Variants in KDM4C observed in about 807,000 individuals in gnomAD.
KDM4C encodes the protein lysine-specific demethylase 4C.
Under a neutral mutation model 129.3 loss-of-function variants are expected in KDM4C, and 81 were observed. That is an observed-to-expected ratio of 0.63 (90% CI 0.52 to 0.75). KDM4C has a LOEUF of 0.75. Ranked by LOEUF, KDM4C falls within the 30% of genes least tolerant of loss-of-function variation. The probability of loss-of-function intolerance (pLI) is 0.00; values close to 1 mark genes in which losing one functional copy is unlikely to be tolerated. For missense variants in KDM4C, 1,457 were observed against 1,304.0 expected (o/e 1.12, Z -1.81); for synonymous variants, 573 against 456.1 (o/e 1.26, Z -3.26).
chr9:6,847,462 G>A (rs1446981390), intron 4 of KDM4C, among the ~76,000 whole-genome samples: 1 of 151,802 alleles, frequency 6.6e-6, no homozygotes, highest in African/African-American at 2.4e-5. Flanking sequence ...GCAGTGGCAC[G>A]ATCTCGGCTC....
chr9:6,759,427 G>T (rs1818941917), intron 1 of KDM4C, among the ~76,000 whole-genome samples: 1 of 152,140 alleles, frequency 6.6e-6, no homozygotes, highest in African/African-American at 2.4e-5. Flanking sequence ...TCTGCTTTGC[G>T]ATTATCGCTT....
chr9:6,887,953 T>C lies in KDM4C; in HGVS notation c.680-7T>C, dbSNP rs781160327. ...CAGTGCCACTTACATTTATTGTTTC[T>C]TTTTAGGTTTTTTCCCAAGCAGCTC... On this transcript the variant is annotated splice_region_variant and splice_polypyrimidine_tract_variant and intron_variant, in intron 6 of 21. Coordinates refer to ENST00000381309, the MANE Select transcript of KDM4C (RefSeq NM_015061.6). 1.9e-6 allele frequency: 3 copies of C among 1,565,932 alleles called. No homozygotes were observed. Among genetic ancestry groups the C allele is most frequent in the Admixed American group, 3.3e-5 (2 of 59,940 alleles).
chr9:7,087,807 A>T lies in KDM4C; in HGVS notation c.2425-15878A>T, dbSNP rs564500200. ...ACATGTTTTATTTCTAAATGTCAAT[A>T]TTTAATCCACAAGAAGTATAGCTTC... On this transcript the variant is annotated intron_variant, in intron 17 of 21. Transcript: ENST00000381309. 2.0e-5 allele frequency among the ~76,000 whole-genome samples: 3 copies of T among 152,360 alleles called. No homozygotes were observed. In the South Asian group the frequency reaches 6.2e-4, roughly 32 times the overall value.
At chr9:6,800,702 C>T (rs1263282356) in intron 2 of KDM4C, among the ~76,000 whole-genome samples, 4 of 152,158 alleles carry the variant, frequency 2.6e-5, no homozygotes, top group South Asian at 4.1e-4. Flanking sequence ...TCTTGGCTCA[C>T]TGCAGCCTTG....
At chr9:6,763,759 C>T (rs942439665) in intron 1 of KDM4C, among the ~76,000 whole-genome samples, 1 of 152,058 alleles carries the variant, frequency 6.6e-6, no homozygotes, top group Admixed American at 6.6e-5. Context: ...TTGGAGAATG[C>T]ACTTTTTCTT....
At chr9:7,113,163 G>T (rs1838520353) in intron 18 of KDM4C, among the ~76,000 whole-genome samples, 3 of 152,106 alleles carry the variant, frequency 2.0e-5, no homozygotes, top group African/African-American at 7.2e-5. Flanking sequence ...ATACTATAGC[G>T]ATTCAAACCT....
At chr9:6,859,044 CAT>C (rs1264106986) in intron 5 of KDM4C, among the ~76,000 whole-genome samples, 2 of 152,130 alleles carry the variant, frequency 1.3e-5, no homozygotes, top group Non-Finnish European at 2.9e-5. Context: ...TGTTACTGCA[CAT>C]GTGTTCATTT....
chr9:7,016,964 C>G (rs1430004110), intron 15 of KDM4C, among the ~76,000 whole-genome samples: 2 of 152,152 alleles, frequency 1.3e-5, no homozygotes, highest in African/African-American at 4.8e-5. Context: ...GAGACAGGGT[C>G]TCACTCTGTC....
At chr9:7,161,381 T>C (rs1238972182) in intron 19 of KDM4C, among the ~76,000 whole-genome samples, 3 of 152,186 alleles carry the variant, frequency 2.0e-5, no homozygotes, top group African/African-American at 7.2e-5. Context: ...GTATCTCAGT[T>C]GGAAATGCAG....
At chr9:6,904,652 A>G (rs1039814626) in intron 8 of KDM4C, among the ~76,000 whole-genome samples, 2 of 152,334 alleles carry the variant, frequency 1.3e-5, no homozygotes, top group East Asian at 3.9e-4. Context: ...TTAATACTGG[A>G]AGAGATTTAT....
upstream of KDM4C, among the ~76,000 whole-genome samples, chr9:6,754,444 C>T (rs1162605064): frequency 6.6e-6 from 1 of 152,072 alleles, no homozygotes; most frequent in African/African-American, 2.4e-5. Flanking sequence ...AACTCCTGAC[C>T]TTAGGTGATA....
chr9:6,869,817 C>T (rs1023408027), intron 5 of KDM4C, among the ~76,000 whole-genome samples: 3 of 152,254 alleles, frequency 2.0e-5, no homozygotes, highest in Admixed American at 1.3e-4. Flanking sequence ...TCCCCTATAG[C>T]CATGCTTTCT....
intron 8 of KDM4C, among the ~76,000 whole-genome samples, chr9:6,901,432 T>A (rs995971520): frequency 6.6e-6 from 1 of 152,152 alleles, no homozygotes; most frequent in African/African-American, 2.4e-5. Context: ...AGCAACCTCA[T>A]GAGGTCTCAT....
At chr9:6,832,068 G>A (rs543895395) in intron 4 of KDM4C, among the ~76,000 whole-genome samples, 160 of 152,196 alleles carry the variant, frequency 1.1e-3, no homozygotes, top group African/African-American at 3.6e-3. Context: ...GGCTGGGTGC[G>A]GTGGTCATGC....
chr9:7,138,740 G>A (rs1015970107), intron 19 of KDM4C, among the ~76,000 whole-genome samples: 7 of 152,038 alleles, frequency 4.6e-5, no homozygotes, highest in African/African-American at 1.2e-4. Context: ...GAACCCTTAA[G>A]CCCAGGAAGT....
chr9:6,864,596 A>G (rs1019604444), intron 5 of KDM4C, among the ~76,000 whole-genome samples: 1 of 151,346 alleles, frequency 6.6e-6, no homozygotes, highest in Non-Finnish European at 1.5e-5. Flanking sequence ...TCAGCCCTCC[A>G]TAGCTGGGAT....
intron 2 of KDM4C, among the ~76,000 whole-genome samples, chr9:6,801,439 G>A (rs971801501): frequency 6.6e-5 from 10 of 151,088 alleles, no homozygotes; most frequent in Non-Finnish European, 1.5e-4. Flanking sequence ...GGGTTTCACT[G>A]TGTTAGCCAG....
chr9:6,969,686 G>A (rs766692203), intron 8 of KDM4C, among the ~76,000 whole-genome samples: 2 of 152,120 alleles, frequency 1.3e-5, no homozygotes, highest in African/African-American at 2.4e-5. Context: ...GGTTTCAACC[G>A]TAGATGCATT....
Position 6,972,017 on chromosome 9 carries a change from G to T in KDM4C, c.922-8908G>T, listed in dbSNP as rs139477550. Among the ~76,000 whole-genome samples the T allele has an allele frequency of 6.2e-3, 942 of 152,162 alleles. 6 individuals are homozygous for T. Among genetic ancestry groups the T allele is most frequent in the African/African-American group, 0.017 (711 of 41,494 alleles). ...CTGATGCCTGTCTTCACCGAGTGTA[G>T]GTTTTAGTGTTGAAAACAACTGAGA... On this transcript the variant is annotated intron_variant, in intron 8 of 21. Coordinates refer to ENST00000381309, the MANE Select transcript of KDM4C (RefSeq NM_015061.6).
Sources: gnomAD v4.1 joint callset for allele counts (sites outside exome capture counted in the v4.1 genomes callset) on GRCh38, gnomAD v4.1.1 for gene constraint, MANE v1.5 for transcripts, NCBI Gene and HGNC (gene_info 2026-07-23, HGNC 2026-07-21) for gene names.